The following FAAH2 variants were observed in gnomAD, a reference collection of about 807,000 sequenced individuals.
FAAH2 encodes fatty-acid amide hydrolase 2.
In FAAH2, 60 loss-of-function variants were observed where a neutral mutation model predicts 36.9. The ratio of observed to expected loss-of-function variants is 1.63; its 90% CI spans 1.32 to 2.02. The LOEUF is 2.02. FAAH2 is among the 30% of genes most tolerant of loss of function. The pLI is 0.00. For missense variants in FAAH2, 689 were observed against 397.5 expected (o/e 1.73, Z -6.23); for synonymous variants, 214 against 143.8 (o/e 1.49, Z -3.49).
intron 10 of FAAH2, among the ~76,000 whole-genome samples, chrX:57,482,709 A>ATTTTTTTTT (rs368783162): frequency 1.4e-4 from 9 of 63,853 alleles, no homozygotes; most frequent in Admixed American, 2.2e-4. Flanking sequence ...CATTCCCTCA[A>ATTTTTTTTT]TTTTTTTTTT....
the FAAH2 span, among the ~76,000 whole-genome samples, chrX:57,226,800 G>T: frequency 9.0e-6 from 1 of 111,517 alleles, no homozygotes; most frequent in African/African-American, 3.3e-5. Flanking sequence ...TCTTAGGTTT[G>T]GTTGTTTAAC....
the FAAH2 span, among the ~76,000 whole-genome samples, chrX:57,256,931 CAT>C: frequency 8.9e-6 from 1 of 112,223 alleles, no homozygotes; most frequent in East Asian, 2.8e-4. Flanking sequence ...GGCCAACAGA[CAT>C]ATGAAAAAAT....
chrX:57,393,990 C>T (rs1207033190), intron 7 of FAAH2: 1 of 764,781 alleles, frequency 1.3e-6, no homozygotes, highest in Non-Finnish European at 2.0e-6. Flanking sequence ...AACTTTCTCA[C>T]TCCATTTACT....
chrX:57,197,155 T>C, the FAAH2 span, among the ~76,000 whole-genome samples: 1 of 112,102 alleles, frequency 8.9e-6, no homozygotes, highest in Non-Finnish European at 1.9e-5. Flanking sequence ...CTACTTGTTC[T>C]AGTCTGTTGT....
chrX:57,457,134 G>A (rs189209890), intron 10 of FAAH2, among the ~76,000 whole-genome samples: 166 of 111,793 alleles, frequency 1.5e-3, no homozygotes, highest in Middle Eastern at 0.014. Flanking sequence ...GGGATGCAAG[G>A]TTGATTCACC....
intron 10 of FAAH2, among the ~76,000 whole-genome samples, chrX:57,478,887 G>A (rs756773887): frequency 8.1e-4 from 90 of 111,720 alleles, no homozygotes; most frequent in African/African-American, 2.7e-3. Context: ...TTTGGTTACT[G>A]TAGCCTTGTA....
chrX:57,314,547 A>G (rs759531565), intron 3 of FAAH2, among the ~76,000 whole-genome samples: 117 of 111,586 alleles, frequency 1.0e-3, no homozygotes, highest in Non-Finnish European at 1.6e-3. Context: ...AGAGTGAAAT[A>G]AAAATAGAAA....
the FAAH2 span, among the ~76,000 whole-genome samples, chrX:57,238,209 C>A: frequency 8.9e-6 from 1 of 111,854 alleles, no homozygotes; most frequent in Non-Finnish European, 1.9e-5. Flanking sequence ...ATGTTCACTG[C>A]AGCACTATTC....
the FAAH2 span, among the ~76,000 whole-genome samples, chrX:57,228,865 T>C: frequency 2.4e-4 from 27 of 111,066 alleles, no homozygotes; most frequent in Non-Finnish European, 4.9e-4. Flanking sequence ...AAATGCAACG[T>C]CAGAAGCAAG....
At chrX:57,346,366 A>G (rs960308625) in intron 5 of FAAH2, among the ~76,000 whole-genome samples, 5 of 111,720 alleles carry the variant, frequency 4.5e-5, no homozygotes, top group Non-Finnish European at 7.5e-5. Context: ...CTCTATCATT[A>G]TATTATGCCC....
chrX:57,438,197 C>A (rs964692914), intron 8 of FAAH2, among the ~76,000 whole-genome samples: 8 of 103,282 alleles, frequency 7.7e-5, no homozygotes, highest in Admixed American at 3.3e-4. Context: ...TTACTGATAT[C>A]TATATCTATA....
chrX:57,466,159 T>C lies in FAAH2; in HGVS notation c.1423+17441T>C, dbSNP rs1197159656. ...CTCTCTCTCTCTCTCTCTCTCTCTA[T>C]ATATATATATATATATATATACCCA... On this transcript the variant is annotated intron_variant, in intron 10 of 10. Coordinates refer to ENST00000374900, the MANE Select transcript of FAAH2 (RefSeq NM_174912.4). Among the ~76,000 whole-genome samples, 2 of 97,291 alleles carry C rather than the reference T, an allele frequency of 2.1e-5. 1 individual carries two copies. Among genetic ancestry groups the C allele is most frequent in the East Asian group, 6.5e-4 (2 of 3,100 alleles). The allele number at this position is 97,291 out of a possible 115,157, so 84.5% of individuals were successfully genotyped here.
At chrX:57,398,626 G>A (rs2055359798) in intron 7 of FAAH2, among the ~76,000 whole-genome samples, 1 of 110,351 alleles carries the variant, frequency 9.1e-6, no homozygotes, top group South Asian at 3.9e-4. Flanking sequence ...AAAGGGGGTT[G>A]TCGCTGCCGG....
chrX:57,166,365 A>G, the FAAH2 span, among the ~76,000 whole-genome samples: 1 of 111,943 alleles, frequency 8.9e-6, no homozygotes, highest in Non-Finnish European at 1.9e-5. Flanking sequence ...GCTGATAAAC[A>G]CAAGCCACCT....
the FAAH2 span, among the ~76,000 whole-genome samples, chrX:57,149,857 G>A: frequency 9.0e-6 from 1 of 111,459 alleles, no homozygotes; most frequent in African/African-American, 3.3e-5. Context: ...ATATTAGGGT[G>A]TCAATTTTGG....
chrX:57,210,325 T>A, the FAAH2 span, among the ~76,000 whole-genome samples: 1 of 111,449 alleles, frequency 9.0e-6, no homozygotes. Flanking sequence ...TATAAGAAAA[T>A]AAAACTACAG....
At chrX:57,455,484 C>T (rs1352502980) in intron 10 of FAAH2, among the ~76,000 whole-genome samples, 2 of 110,802 alleles carry the variant, frequency 1.8e-5, no homozygotes, top group East Asian at 5.7e-4. Flanking sequence ...AAAAGTACCA[C>T]TTAAAATGCA....
intron 5 of FAAH2, among the ~76,000 whole-genome samples, chrX:57,352,333 A>G (rs1318008535): frequency 9.4e-6 from 1 of 106,671 alleles, no homozygotes; most frequent in Admixed American, 1.0e-4. Context: ...TAAATGTGAT[A>G]TATCACATCA....
intron 8 of FAAH2, among the ~76,000 whole-genome samples, chrX:57,438,149 A>G (rs1025690999): frequency 4.7e-5 from 5 of 105,269 alleles, no homozygotes; most frequent in African/African-American, 1.0e-4. Context: ...ATATTTGTGT[A>G]TATATATATA....
Sources: allele counts gnomAD v4.1 joint callset (sites outside exome capture counted in the v4.1 genomes callset), GRCh38; gene constraint gnomAD v4.1.1; transcripts MANE v1.5; gene names NCBI Gene and HGNC (gene_info 2026-07-23, HGNC 2026-07-21).